The following TMEM163 variants were observed in gnomAD, a reference collection of about 807,000 sequenced individuals.
The protein encoded by TMEM163 is transmembrane protein 163.
TMEM163 carries 17 observed loss-of-function variants against 29.3 expected under a neutral mutation model. That is an observed-to-expected ratio of 0.58 (90% CI 0.40 to 0.87). TMEM163 has a LOEUF of 0.87. TMEM163 is among the 40% of genes least tolerant of loss of function. The probability of loss-of-function intolerance (pLI) is 0.00; values close to 1 mark genes in which losing one functional copy is unlikely to be tolerated. For synonymous variants in TMEM163, 157 were observed against 160.6 expected (o/e 0.98, Z 0.17); for missense variants, 303 against 381.5 (o/e 0.79, Z 1.71).
chr2:134,487,272 T>C (rs1414296355), intron 5 of TMEM163, among the ~76,000 whole-genome samples: 2 of 152,192 alleles, frequency 1.3e-5, no homozygotes, highest in Non-Finnish European at 2.9e-5. Context: ...TGCAGGTTAA[T>C]GAGAACAATA....
At chr2:134,472,106 A>C (rs1311804937) in intron 5 of TMEM163, among the ~76,000 whole-genome samples, 1 of 152,262 alleles carries the variant, frequency 6.6e-6, no homozygotes, top group Non-Finnish European at 1.5e-5. Context: ...AATGTACATT[A>C]AAGGTAAACT....
At chr2:134,621,531 TC>T (rs1446085413) in intron 2 of TMEM163, among the ~76,000 whole-genome samples, 2 of 152,180 alleles carry the variant, frequency 1.3e-5, no homozygotes, top group Non-Finnish European at 2.9e-5. Context: ...ATGCAAATAT[TC>T]ATAGCAGCAT....
intron 2 of TMEM163, among the ~76,000 whole-genome samples, chr2:134,600,966 G>A (rs1682216297): frequency 6.6e-6 from 1 of 152,006 alleles, no homozygotes; most frequent in Non-Finnish European, 1.5e-5. Context: ...TCAAAACTGG[G>A]GCTGTGTTAA....
chr2:134,567,548 G>A (rs555103221), intron 2 of TMEM163, among the ~76,000 whole-genome samples: 3 of 152,012 alleles, frequency 2.0e-5, no homozygotes, highest in Non-Finnish European at 4.4e-5. Context: ...AAAATTAGCC[G>A]AGTATGGTGG....
intron 5 of TMEM163, among the ~76,000 whole-genome samples, chr2:134,483,661 A>G (rs1275533442): frequency 2.0e-5 from 3 of 152,218 alleles, no homozygotes; most frequent in Non-Finnish European, 4.4e-5. Context: ...CCCGGCCTTA[A>G]GATCACCCAG....
intron 2 of TMEM163, among the ~76,000 whole-genome samples, chr2:134,553,325 C>T (rs1294118366): frequency 6.6e-6 from 1 of 152,184 alleles, no homozygotes; most frequent in African/African-American, 2.4e-5. Context: ...CAGGGACAGT[C>T]CCCACACAAC....
rs183395656 is a variant in TMEM163, at chr2:134,456,346, C to A, written c.*370G>T. ...CTTGGAACCAGGAGTGGCAGGGCCA[C>A]CCAAGCTGGAGGAGGTGGGTCTGCT... On this transcript the variant is annotated 3_prime_UTR_variant, in exon 8 of 8. Transcript: ENST00000281924. 122 of 185,934 alleles carry A rather than the reference C, an allele frequency of 6.6e-4. No individual in the cohort carries two copies. Among genetic ancestry groups the A allele is most frequent in the Admixed American group, 6.5e-3 (112 of 17,312 alleles). The allele number at this position is 185,934 out of a possible 1,614,324, so 11.5% of individuals were successfully genotyped here. A position where few individuals can be genotyped will look rare whatever the true frequency, so the allele number is the denominator to read the frequency against.
chr2:134,594,897 C>CCT (rs1682032584), intron 2 of TMEM163, among the ~76,000 whole-genome samples: 1 of 150,964 alleles, frequency 6.6e-6, no homozygotes, highest in Non-Finnish European at 1.5e-5. Context: ...CTCTCTCTCT[C>CCT]CTCTCTCTCA....
intron 2 of TMEM163, among the ~76,000 whole-genome samples, chr2:134,575,989 G>A (rs561887908): frequency 1.5e-3 from 223 of 152,232 alleles, no homozygotes; most frequent in African/African-American, 5.2e-3. Context: ...AAAGATGGGA[G>A]AGCCAGTGAA....
chr2:134,569,689 C>A (rs185971756), intron 2 of TMEM163, among the ~76,000 whole-genome samples: 2 of 152,246 alleles, frequency 1.3e-5, no homozygotes, highest in East Asian at 1.9e-4. Flanking sequence ...CTACCTCCAA[C>A]CAACACTCAA....
chr2:134,686,125 CA>C (rs1436668518), intron 2 of TMEM163, among the ~76,000 whole-genome samples: 1 of 152,198 alleles, frequency 6.6e-6, no homozygotes, highest in Non-Finnish European at 1.5e-5. Flanking sequence ...CAAAAAAGGA[CA>C]AACCTTCCCT....
intron 2 of TMEM163, among the ~76,000 whole-genome samples, chr2:134,584,829 T>G (rs1681777168): frequency 6.6e-6 from 1 of 152,098 alleles, no homozygotes; most frequent in Non-Finnish European, 1.5e-5. Context: ...CATGTAAACT[T>G]AGAGTAGTAT....
At chr2:134,504,086 C>A (rs1253019531) in intron 4 of TMEM163, among the ~76,000 whole-genome samples, 1 of 152,122 alleles carries the variant, frequency 6.6e-6, no homozygotes, top group Non-Finnish European at 1.5e-5. Context: ...GTTTTATTAT[C>A]CACCGTGGAG....
intron 2 of TMEM163, among the ~76,000 whole-genome samples, chr2:134,635,174 C>T (rs959260378): frequency 5.3e-5 from 8 of 152,154 alleles, no homozygotes; most frequent in African/African-American, 9.7e-5. Flanking sequence ...CCATCTACAT[C>T]GAAAATTGAG....
intron 2 of TMEM163, among the ~76,000 whole-genome samples, chr2:134,701,875 G>A (rs533972000): frequency 1.5e-5 from 2 of 137,086 alleles, no homozygotes; most frequent in Admixed American, 8.1e-5. Context: ...CTGAGATCAC[G>A]CCACTGCACT....
intron 2 of TMEM163, among the ~76,000 whole-genome samples, chr2:134,630,468 C>T (rs764277756): frequency 3.3e-5 from 5 of 152,090 alleles, no homozygotes; most frequent in African/African-American, 4.8e-5. Context: ...TCCAATGCAG[C>T]GCTGTGCAGA....
chr2:134,593,977 T>G (rs1044179955), intron 2 of TMEM163, among the ~76,000 whole-genome samples: 2 of 152,092 alleles, frequency 1.3e-5, no homozygotes, highest in Non-Finnish European at 2.9e-5. Context: ...AGGAGGGTCC[T>G]TTAATGAAAT....
chr2:134,517,423 A>G (rs74501845), intron 4 of TMEM163, among the ~76,000 whole-genome samples: 1 of 152,204 alleles, frequency 6.6e-6, no homozygotes, highest in Non-Finnish European at 1.5e-5. Context: ...ACCCAGTGTT[A>G]TGAAGCTAGT....
At chr2:134,574,414 G>A (rs1045279012) in intron 2 of TMEM163, among the ~76,000 whole-genome samples, 3 of 151,920 alleles carry the variant, frequency 2.0e-5, no homozygotes, top group Non-Finnish European at 4.4e-5. Context: ...ACAAAAATTA[G>A]CCAGGTACGG....
Sources: allele counts gnomAD v4.1 joint callset (sites outside exome capture counted in the v4.1 genomes callset), GRCh38; gene constraint gnomAD v4.1.1; transcripts MANE v1.5; gene names NCBI Gene and HGNC (gene_info 2026-07-23, HGNC 2026-07-21).